The following MRPS9 variants were observed in gnomAD, a reference collection of about 807,000 sequenced individuals.
MRPS9 encodes the protein small ribosomal subunit protein uS9m.
MRPS9 carries 45 observed loss-of-function variants against 59.9 expected under a neutral mutation model. The ratio of observed to expected loss-of-function variants is 0.75; its 90% CI spans 0.59 to 0.96. The LOEUF is 0.96. Among genes scored for constraint, MRPS9 ranks in the 40% least tolerant of loss-of-function variants. The pLI, the probability that MRPS9 is intolerant of heterozygous loss-of-function variation, is 0.00. For synonymous variants in MRPS9, 171 were observed against 166.8 expected (o/e 1.03, Z -0.19); for missense variants, 473 against 481.1 (o/e 0.98, Z 0.16).
At chr2:105,095,101 G>A (rs1383016468) in intron 9 of MRPS9, among the ~76,000 whole-genome samples, 2 of 152,160 alleles carry the variant, frequency 1.3e-5, no homozygotes, top group African/African-American at 2.4e-5. Context: ...TTTTAAAGTA[G>A]TTGTAAGGAT....
chr2:105,056,635 A>G (rs1679795519), intron 2 of MRPS9, among the ~76,000 whole-genome samples: 1 of 152,164 alleles, frequency 6.6e-6, no homozygotes, highest in Non-Finnish European at 1.5e-5. Flanking sequence ...TATGTCAGCT[A>G]TTGCAGTTCT....
At chr2:105,039,829 A>G (rs570359001) in intron 1 of MRPS9, among the ~76,000 whole-genome samples, 3 of 152,324 alleles carry the variant, frequency 2.0e-5, no homozygotes, top group Non-Finnish European at 2.9e-5. Flanking sequence ...AGTAAAATGG[A>G]TGAAGAATGA....
chr2:105,048,387 G>A (rs893913744), intron 1 of MRPS9, among the ~76,000 whole-genome samples: 1 of 151,790 alleles, frequency 6.6e-6, no homozygotes, highest in African/African-American at 2.4e-5. Context: ...AGCGTTAGGA[G>A]ATATACCTAA....
At chr2:105,073,295 G>A (rs930716651) in intron 4 of MRPS9, among the ~76,000 whole-genome samples, 12 of 152,000 alleles carry the variant, frequency 7.9e-5, no homozygotes, top group African/African-American at 2.4e-4. Context: ...TAGCAGCCAG[G>A]TTGTGACAAC....
chr2:105,059,518 T>C (rs1427792949), intron 2 of MRPS9, among the ~76,000 whole-genome samples: 1 of 152,156 alleles, frequency 6.6e-6, no homozygotes, highest in Non-Finnish European at 1.5e-5. Flanking sequence ...TTGAAGCTTA[T>C]GGAAAAACCA....
intron 5 of MRPS9, among the ~76,000 whole-genome samples, chr2:105,087,516 A>G (rs148403966): frequency 1.3e-4 from 20 of 152,226 alleles, no homozygotes; most frequent in African/African-American, 4.8e-4. Flanking sequence ...GTCTACTGGT[A>G]ATGTCTAGCT....
chr2:105,081,017 G>A (rs2104461032), intron 5 of MRPS9, among the ~76,000 whole-genome samples: 1 of 152,320 alleles, frequency 6.6e-6, no homozygotes, highest in African/African-American at 2.4e-5. Flanking sequence ...TGTCTTTGCT[G>A]AGTAATGGAG....
chr2:105,075,807 A>T (rs753474374), intron 4 of MRPS9, among the ~76,000 whole-genome samples: 1 of 152,182 alleles, frequency 6.6e-6, no homozygotes, highest in African/African-American at 2.4e-5. Context: ...TTGAGCATTA[A>T]TTTTTTTGGT....
intron 7 of MRPS9, 78 bp from the exon 8 acceptor site, chr2:105,092,311 ACATTGGAAAGAT>A: frequency 2.5e-6 from 3 of 1,203,014 alleles, no homozygotes; most frequent in Non-Finnish European, 3.4e-6. Flanking sequence ...AGGAAAAGCA[ACATTGGAAAGAT>A]CAAGTATGCA....
intron 5 of MRPS9, among the ~76,000 whole-genome samples, chr2:105,083,164 C>T (rs1680380783): frequency 6.6e-6 from 1 of 152,102 alleles, no homozygotes; most frequent in African/African-American, 2.4e-5. Flanking sequence ...ATAAAGTTTC[C>T]TGAAACAATT....
chr2:105,051,899 C>G (rs1234035658), intron 2 of MRPS9, among the ~76,000 whole-genome samples: 1 of 152,072 alleles, frequency 6.6e-6, no homozygotes, highest in African/African-American at 2.4e-5. Context: ...TACATCCTTG[C>G]TGAACTTACT....
intron 9 of MRPS9, among the ~76,000 whole-genome samples, chr2:105,095,091 T>G (rs1043653965): frequency 6.6e-6 from 1 of 152,196 alleles, no homozygotes; most frequent in Non-Finnish European, 1.5e-5. Flanking sequence ...CCTACAACTA[T>G]TTTAAAGTAG....
At chr2:105,048,423 A>G (rs1679638177) in intron 1 of MRPS9, among the ~76,000 whole-genome samples, 2 of 151,924 alleles carry the variant, frequency 1.3e-5, no homozygotes, top group Admixed American at 1.3e-4. Flanking sequence ...TAATGGGTGC[A>G]GCACACCAGC....
chr2:105,085,813 G>T (rs1680433958), intron 5 of MRPS9, among the ~76,000 whole-genome samples: 1 of 152,154 alleles, frequency 6.6e-6, no homozygotes, highest in Non-Finnish European at 1.5e-5. Flanking sequence ...TAAACTTAGT[G>T]TAGGTGAGTC....
rs1573440524 is a variant in MRPS9 at position 105,079,993 on chromosome 2, G to T, written c.420G>T (p.Trp140Cys). 2.5e-6 allele frequency: 4 copies of T among 1,610,782 alleles called. No homozygotes were observed. The highest frequency in any genetic ancestry group is 3.4e-6 in the Non-Finnish European group (4 of 1,178,498). ...GCTTTTTTAAATCAGCAATCCAGTGGGGAGAAGATGGCCGTCCATTTCACT... is the reference window on the plus strand; with the variant it reads ...GCTTTTTTAAATCAGCAATCCAGTGTGGAGAAGATGGCCGTCCATTTCACT... ...QIFPRQRAIQ[W>C]GEDGRPFHYL... The change falls in exon 5 of 11, where the codon TGG (tryptophan) becomes TGT (cysteine). Residue 140 changes from tryptophan (W) to cysteine (C), a missense_variant. By Grantham distance (215) the Trp-to-Cys change is radical. Coordinates refer to ENST00000258455, the MANE Select transcript of MRPS9 (RefSeq NM_182640.3).
chr2:105,091,445 T>C, intron 7 of MRPS9: 1 of 469,246 alleles, frequency 2.1e-6, no homozygotes, highest in South Asian at 1.6e-5. Flanking sequence ...TAGCTGAGTA[T>C]TTCACCCTTA....
At chr2:105,077,646 T>C (rs2104458480) in intron 4 of MRPS9, among the ~76,000 whole-genome samples, 1 of 152,366 alleles carries the variant, frequency 6.6e-6, no homozygotes, top group Non-Finnish European at 1.5e-5. Context: ...TTTTAACATG[T>C]GATCTGGGAA....
At chr2:105,097,715 G>C (rs370565569) in intron 10 of MRPS9, among the ~76,000 whole-genome samples, 2 of 151,966 alleles carry the variant, frequency 1.3e-5, no homozygotes, top group Admixed American at 6.6e-5. Flanking sequence ...TTTTGTTTTT[G>C]TTTTTTAAAC....
intron 5 of MRPS9, among the ~76,000 whole-genome samples, chr2:105,084,253 T>C (rs12469796): frequency 6.9e-6 from 1 of 145,036 alleles, no homozygotes; most frequent in East Asian, 2.0e-4. Context: ...CCAAAATATA[T>C]ATATATATAT....
Sources: allele counts gnomAD v4.1 joint callset (sites outside exome capture counted in the v4.1 genomes callset), GRCh38; gene constraint gnomAD v4.1.1; transcripts MANE v1.5; gene names NCBI Gene and HGNC (gene_info 2026-07-23, HGNC 2026-07-21).